NT5DC3: variants seen among roughly 807,000 people sequenced by gnomAD.
The protein encoded by NT5DC3 is 5'-nucleotidase domain-containing protein 3.
NT5DC3 carries 42 observed loss-of-function variants against 67.8 expected under a neutral mutation model. That is an observed-to-expected ratio of 0.62 (90% CI 0.48 to 0.80). The LOEUF (loss-of-function observed/expected upper bound fraction) is 0.80. NT5DC3 is among the 30% of genes least tolerant of loss of function. NT5DC3 has a pLI of 0.00. For missense variants in NT5DC3, 570 were observed against 696.4 expected (o/e 0.82, Z 2.04); for synonymous variants, 237 against 255.6 (o/e 0.93, Z 0.69).
At chr12:103,764,566 T>C in the NT5DC3 span, among the ~76,000 whole-genome samples, 3 of 152,186 alleles carry the variant, frequency 2.0e-5, no homozygotes, top group Non-Finnish European at 4.4e-5. Flanking sequence ...AAAAAATACA[T>C]AGGAATAGAA....
intron 1 of NT5DC3, among the ~76,000 whole-genome samples, chr12:103,828,188 G>C (rs969897490): frequency 1.3e-5 from 2 of 152,204 alleles, no homozygotes; most frequent in Admixed American, 6.5e-5. Flanking sequence ...TATGGAAGGG[G>C]AATCAAAAGT....
chr12:103,792,320 T>C lies in NT5DC3; in HGVS notation c.1019+844A>G, dbSNP rs535659713. 2.6e-5 allele frequency among the ~76,000 whole-genome samples: 4 copies of C among 152,292 alleles called. No homozygotes were observed. In the South Asian group the frequency reaches 6.2e-4, roughly 24 times the overall value. ...GGAGTCACTGTGACACGTGGAAAAC[T>C]GGGACAAGAGGAATTTAAAGCATTA... is the stretch of plus-strand genomic sequence containing the variant. On this transcript the variant is annotated intron_variant, in intron 9 of 13. Coordinates refer to ENST00000392876, the MANE Select transcript of NT5DC3 (RefSeq NM_001031701.3).
intron 1 of NT5DC3, among the ~76,000 whole-genome samples, chr12:103,824,353 T>C (rs1322977055): frequency 3.3e-5 from 5 of 152,338 alleles, no homozygotes; most frequent in African/African-American, 1.2e-4. Context: ...TGGCAGATGT[T>C]GAGACGAAAC....
At chr12:103,783,159 G>C (rs1044466143) in intron 12 of NT5DC3, among the ~76,000 whole-genome samples, 3 of 152,204 alleles carry the variant, frequency 2.0e-5, no homozygotes, top group African/African-American at 7.2e-5. Context: ...AGGCTCAGTG[G>C]AATAACTTAT....
chr12:103,793,143 C>A, intron 9 of NT5DC3, 21 bp downstream of exon 9: 1 of 1,504,320 alleles, frequency 6.6e-7, no homozygotes, highest in South Asian at 1.2e-5. Context: ...AATCTAGTCC[C>A]CTAGAAAAAT....
intron 2 of NT5DC3, among the ~76,000 whole-genome samples, chr12:103,808,035 G>A (rs1442141557): frequency 1.3e-5 from 2 of 152,120 alleles, no homozygotes; most frequent in African/African-American, 4.8e-5. Context: ...CTATTATCAA[G>A]CCATTCCTCA....
Position 103,841,210 on chromosome 12 carries a change from C to T in NT5DC3, c.-54G>A, listed in dbSNP as rs1183035104. 3 of 555,080 alleles carry T rather than the reference C, an allele frequency of 5.4e-6. No homozygotes were observed. The highest frequency in any genetic ancestry group is 9.4e-6 in the Non-Finnish European group (3 of 319,252). The allele number at this position is 555,080 out of a possible 1,614,324, so 34.4% of individuals were successfully genotyped here. A position where few individuals can be genotyped will look rare whatever the true frequency, so the allele number is the denominator to read the frequency against. On this transcript the variant is annotated 5_prime_UTR_variant, in exon 1 of 14. Transcript: ENST00000392876. ...CGCGCCGCTCTGCGACTGCTGCTGC[C>T]CGGCCCAAGATCTACCCGCGCTCTG...
intron 1 of NT5DC3, among the ~76,000 whole-genome samples, chr12:103,821,666 C>T (rs1307571392): frequency 6.6e-6 from 1 of 152,198 alleles, no homozygotes; most frequent in Non-Finnish European, 1.5e-5. Flanking sequence ...GAAAAGATGT[C>T]AACGGGAAAG....
At chr12:103,750,006 G>A in the NT5DC3 span, among the ~76,000 whole-genome samples, 1 of 152,184 alleles carries the variant, frequency 6.6e-6, no homozygotes, top group Non-Finnish European at 1.5e-5. Context: ...GTGACCTGGA[G>A]GTGGCTAATT....
chr12:103,754,981 G>T, the NT5DC3 span: 1 of 274,450 alleles, frequency 3.6e-6, no homozygotes. Flanking sequence ...TATCATCAGA[G>T]TTCTACCAAC....
At chr12:103,810,472 G>GA (rs1191016121) in intron 2 of NT5DC3, among the ~76,000 whole-genome samples, 7 of 152,172 alleles carry the variant, frequency 4.6e-5, no homozygotes, top group East Asian at 1.9e-4. Flanking sequence ...ACCCAAGGGG[G>GA]AAAAAATAAA....
chr12:103,755,720 T>C, the NT5DC3 span: 1 of 1,614,068 alleles, frequency 6.2e-7, no homozygotes, highest in South Asian at 1.1e-5. Context: ...TTCCTGACGG[T>C]ATGTACCATG....
the NT5DC3 span, among the ~76,000 whole-genome samples, chr12:103,751,398 GAACT>G: frequency 2.0e-5 from 3 of 152,126 alleles, no homozygotes; most frequent in African/African-American, 7.2e-5. Flanking sequence ...GAGGTTGAAA[GAACT>G]AACAATGGAC....
chr12:103,821,335 G>A (rs1887482260), intron 1 of NT5DC3, among the ~76,000 whole-genome samples: 2 of 152,174 alleles, frequency 1.3e-5, no homozygotes, highest in Admixed American at 1.3e-4. Flanking sequence ...TGATTTTGTT[G>A]GGAAACCTCT....
the NT5DC3 span, chr12:103,759,234 C>T: frequency 6.2e-7 from 1 of 1,614,074 alleles, no homozygotes; most frequent in Admixed American, 1.7e-5. Flanking sequence ...GGCTGGGAAG[C>T]AAGCTGCTCA....
At chr12:103,761,186 G>C in the NT5DC3 span, 1 of 902,146 alleles carries the variant, frequency 1.1e-6, no homozygotes, top group African/African-American at 1.6e-5. Flanking sequence ...CCTATCAGTG[G>C]AGACAAACCT....
intron 4 of NT5DC3, among the ~76,000 whole-genome samples, chr12:103,800,039 A>T (rs1203383679): frequency 6.6e-6 from 1 of 152,222 alleles, no homozygotes; most frequent in African/African-American, 2.4e-5. Flanking sequence ...GCTGTGCTAC[A>T]ACAGGAGTAT....
chr12:103,817,928 T>C (rs1329429379), intron 1 of NT5DC3, among the ~76,000 whole-genome samples: 1 of 152,220 alleles, frequency 6.6e-6, no homozygotes, highest in Non-Finnish European at 1.5e-5. Flanking sequence ...TCAAGAAGCA[T>C]TCCTCTTGCA....
chr12:103,772,217 A>G (rs2139284765), downstream of NT5DC3: 1 of 152,288 alleles, frequency 6.6e-6, no homozygotes, highest in South Asian at 2.1e-4. Context: ...CTGGAAAAAA[A>G]TGCCTTTTTA....
Sources: gnomAD v4.1 joint callset for allele counts (sites outside exome capture counted in the v4.1 genomes callset) on GRCh38, gnomAD v4.1.1 for gene constraint, MANE v1.5 for transcripts, NCBI Gene and HGNC (gene_info 2026-07-23, HGNC 2026-07-21) for gene names.